The following TECRL variants were observed in gnomAD, a reference collection of about 807,000 sequenced individuals.
TECRL encodes trans-2,3-enoyl-CoA reductase like.
Under a neutral mutation model 52.8 loss-of-function variants are expected in TECRL, and 63 were observed. The observed-to-expected ratio is 1.19, with a 90% CI of 0.97 to 1.47. The LOEUF (loss-of-function observed/expected upper bound fraction) is 1.47, where lower values mean the gene tolerates loss of function less well. Ranked by LOEUF, TECRL falls within the 40% of genes most tolerant of loss-of-function variation. The pLI is 0.00. For missense variants in TECRL, 482 were observed against 429.6 expected (o/e 1.12, Z -1.08); for synonymous variants, 164 against 141.9 (o/e 1.16, Z -1.10).
intron 2 of TECRL, among the ~76,000 whole-genome samples, chr4:64,328,959 C>A (rs1425014416): frequency 6.6e-6 from 1 of 151,776 alleles, no homozygotes; most frequent in African/African-American, 2.4e-5. Context: ...AATATTTGCA[C>A]CTGAAATTGG....
chr4:64,368,833 T>C (rs1235431384), intron 2 of TECRL, among the ~76,000 whole-genome samples: 1 of 152,178 alleles, frequency 6.6e-6, no homozygotes, highest in Non-Finnish European at 1.5e-5. Flanking sequence ...TAAATCCTCC[T>C]GCTCTGCTAT....
intron 2 of TECRL, among the ~76,000 whole-genome samples, chr4:64,334,301 A>G (rs1185579596): frequency 6.6e-6 from 1 of 152,096 alleles, no homozygotes; most frequent in Non-Finnish European, 1.5e-5. Flanking sequence ...AAAAAGATTC[A>G]TTTAGTACAA....
At chr4:64,365,744 A>C (rs1158828352) in intron 2 of TECRL, among the ~76,000 whole-genome samples, 1 of 150,902 alleles carries the variant, frequency 6.6e-6, no homozygotes, top group African/African-American at 2.4e-5. Flanking sequence ...ACCAAGAAAC[A>C]AAAAAAAATT....
At chr4:64,376,814 A>G (rs981210243) in intron 1 of TECRL, among the ~76,000 whole-genome samples, 9 of 152,020 alleles carry the variant, frequency 5.9e-5, no homozygotes, top group Non-Finnish European at 1.2e-4. Flanking sequence ...TTTAATCTAT[A>G]TGGAGCTGAG....
chr4:64,402,713 T>C (rs888499050), intron 1 of TECRL, among the ~76,000 whole-genome samples: 6 of 152,084 alleles, frequency 3.9e-5, no homozygotes, highest in Non-Finnish European at 7.4e-5. Flanking sequence ...CATGTAGTAA[T>C]AGAGAAGAGC....
intron 4 of TECRL, 136 bp downstream of exon 4, chr4:64,322,553 A>G (rs1039209576): frequency 1.2e-5 from 6 of 496,182 alleles, no homozygotes; most frequent in Non-Finnish European, 1.6e-5. Flanking sequence ...CACTCGTCAT[A>G]GTAAGAATAG....
chr4:64,310,117 G>T (rs575854942), intron 5 of TECRL, among the ~76,000 whole-genome samples, 186 bp from the exon 6 acceptor site: 2 of 152,194 alleles, frequency 1.3e-5, no homozygotes, highest in Non-Finnish European at 2.9e-5. Context: ...AGTAATAAAA[G>T]TAGCTGTTAT....
chr4:64,352,567 T>C (rs1720472435), intron 2 of TECRL, among the ~76,000 whole-genome samples: 1 of 152,236 alleles, frequency 6.6e-6, no homozygotes, highest in African/African-American at 2.4e-5. Flanking sequence ...TTGTTACATG[T>C]ATCACCAATA....
At chr4:64,284,092 G>T (rs564527749) in intron 9 of TECRL, among the ~76,000 whole-genome samples, 1 of 152,032 alleles carries the variant, frequency 6.6e-6, no homozygotes, top group Non-Finnish European at 1.5e-5. Flanking sequence ...ATCTGAGGGT[G>T]TTTGAAAAGA....
intron 6 of TECRL, among the ~76,000 whole-genome samples, chr4:64,308,769 C>T (rs908128301): frequency 2.0e-5 from 3 of 152,084 alleles, no homozygotes; most frequent in Admixed American, 6.6e-5. Context: ...ATTTTGATAT[C>T]ACTAAGAAAA....
chr4:64,393,437 T>A (rs928295275), intron 1 of TECRL, among the ~76,000 whole-genome samples: 1 of 152,010 alleles, frequency 6.6e-6, no homozygotes, highest in African/African-American at 2.4e-5. Flanking sequence ...CATCAGAATC[T>A]TGCAATCACA....
chr4:64,332,449 G>A (rs1467560508), intron 2 of TECRL, among the ~76,000 whole-genome samples: 1 of 152,110 alleles, frequency 6.6e-6, no homozygotes, highest in Admixed American at 6.6e-5. Context: ...TCTTTATTCA[G>A]ACCCTATAAT....
intron 1 of TECRL, among the ~76,000 whole-genome samples, chr4:64,389,239 G>A (rs1384689401): frequency 4.0e-5 from 6 of 151,788 alleles, no homozygotes; most frequent in African/African-American, 4.8e-5. Flanking sequence ...TAAAAATGAC[G>A]TGACCTGTAG....
chr4:64,296,213 G>A (rs1037583560), intron 8 of TECRL, among the ~76,000 whole-genome samples: 2 of 151,610 alleles, frequency 1.3e-5, no homozygotes, highest in South Asian at 2.1e-4. Context: ...CAGTTTCTTG[G>A]CCTTTCTGTG....
intron 2 of TECRL, among the ~76,000 whole-genome samples, chr4:64,362,940 A>G (rs1560530283): frequency 6.6e-6 from 1 of 152,078 alleles, no homozygotes; most frequent in African/African-American, 2.4e-5. Flanking sequence ...GGCTATGTTC[A>G]AGAGACCCAT....
At chr4:64,301,162 A>C (rs1248092501) in intron 7 of TECRL, among the ~76,000 whole-genome samples, 1 of 151,010 alleles carries the variant, frequency 6.6e-6, no homozygotes, top group East Asian at 1.9e-4. Context: ...AACATTTAGG[A>C]AATAGAGAAA....
rs1320184150 is a variant in TECRL at position 64,375,231 on chromosome 4, GGAAAA to G, written c.235-13_235-9del. ...AGTAGATGATTGTGTCACCTGAAAAGGAAAAGAAAATAGAGTTATTTTTAAAAACT... is the reference window on the plus strand; with the variant it reads ...AGTAGATGATTGTGTCACCTGAAAAGGAAAATAGAGTTATTTTTAAAAACT... On this transcript the variant is annotated splice_polypyrimidine_tract_variant and intron_variant, in intron 1 of 11. Coordinates refer to ENST00000381210, the MANE Select transcript of TECRL (RefSeq NM_001010874.5). The G allele has an allele frequency of 1.5e-6, 2 of 1,368,416 alleles. No homozygotes were observed. The highest frequency in any genetic ancestry group is 1.9e-6 in the Non-Finnish European group (2 of 1,038,114). The allele number at this position is 1,368,416 out of a possible 1,614,324, so 84.8% of individuals were successfully genotyped here. A position where few individuals can be genotyped will look rare whatever the true frequency, so the allele number is the denominator to read the frequency against.
chr4:64,327,729 G>A (rs529934179), intron 3 of TECRL, among the ~76,000 whole-genome samples: 1 of 151,968 alleles, frequency 6.6e-6, no homozygotes, highest in Non-Finnish European at 1.5e-5. Context: ...AGTTTCGAGA[G>A]ACTCAAAGAA....
At chr4:64,403,475 G>A (rs966463216) in intron 1 of TECRL, among the ~76,000 whole-genome samples, 1 of 148,344 alleles carries the variant, frequency 6.7e-6, no homozygotes, top group East Asian at 2.0e-4. Context: ...CTCCCTGAGC[G>A]CACACACACA....
Sources: gnomAD v4.1 joint callset for allele counts (sites outside exome capture counted in the v4.1 genomes callset) on GRCh38, gnomAD v4.1.1 for gene constraint, MANE v1.5 for transcripts, NCBI Gene and HGNC (gene_info 2026-07-23, HGNC 2026-07-21) for gene names.